Variants in PTCD2 observed in about 807,000 individuals in gnomAD.
PTCD2 encodes pentatricopeptide repeat domain 2.
PTCD2 carries 31 observed loss-of-function variants against 42.6 expected under a neutral mutation model. That is an observed-to-expected ratio of 0.73 (90% CI 0.55 to 0.98). PTCD2 has a LOEUF of 0.98. Ranked by LOEUF, PTCD2 falls within the 50% of genes least tolerant of loss-of-function variation. The pLI is 0.00. For synonymous variants in PTCD2, 183 were observed against 170.9 expected (o/e 1.07, Z -0.55); for missense variants, 476 against 454.8 (o/e 1.05, Z -0.42).
At chr5:72,337,026 G>A (rs1751789605) in intron 6 of PTCD2, among the ~76,000 whole-genome samples, 1 of 152,030 alleles carries the variant, frequency 6.6e-6, no homozygotes, top group Non-Finnish European at 1.5e-5. Context: ...AAAACCAAGT[G>A]GAAATTGAGA....
chr5:72,327,156 T>A (rs1751186680), intron 3 of PTCD2, among the ~76,000 whole-genome samples: 1 of 152,238 alleles, frequency 6.6e-6, no homozygotes, highest in Admixed American at 6.5e-5. Flanking sequence ...AGAAATCCTC[T>A]TGGTTCTACT....
rs565318397 is a variant in PTCD2, at chr5:72,326,546, T to C, written c.221-66T>C. On this transcript the variant is annotated intron_variant, in intron 2 of 9. Coordinates refer to ENST00000380639, the MANE Select transcript of PTCD2 (RefSeq NM_024754.5). Reference sequence around the variant, plus strand: ...CCGGGGTTGGGCTTCCCCATCTTCCTGAGGTCAGACTCCTTATACTCTCAG... The same window carrying C: ...CCGGGGTTGGGCTTCCCCATCTTCCCGAGGTCAGACTCCTTATACTCTCAG... The C allele has an allele frequency of 1.4e-5, 22 of 1,578,334 alleles. No individual in the cohort carries two copies. In the East Asian group the frequency reaches 4.5e-4, roughly 32 times the overall value.
intron 3 of PTCD2, among the ~76,000 whole-genome samples, chr5:72,329,936 C>CTT (rs71614471): frequency 4.5e-4 from 64 of 143,320 alleles, no homozygotes; most frequent in East Asian, 6.0e-4. Context: ...TTTATAACTT[C>CTT]TTTTTTTTTT....
chr5:72,331,518 TAA>T, intron 4 of PTCD2, 143 bp downstream of exon 4: 4 of 686,456 alleles, frequency 5.8e-6, no homozygotes, highest in Non-Finnish European at 1.1e-5. Flanking sequence ...TCTGCATTTT[TAA>T]GTTTCCTTGC....
intron 4 of PTCD2, among the ~76,000 whole-genome samples, chr5:72,333,886 C>T (rs1169448325): frequency 6.6e-6 from 1 of 152,086 alleles, no homozygotes; most frequent in Admixed American, 6.5e-5. Flanking sequence ...CAGGGTCTTG[C>T]TCCGTCACCT....
chr5:72,334,128 A>G (rs1751595656), intron 4 of PTCD2, among the ~76,000 whole-genome samples: 1 of 152,098 alleles, frequency 6.6e-6, no homozygotes. Context: ...TCCCTCCCAA[A>G]GTACTGGGAT....
rs1753085874 is a variant in PTCD2, at chr5:72,361,090, G to A, written c.*2663G>A. 1 of 152,110 alleles carries A rather than the reference G, an allele frequency of 6.6e-6. No homozygotes were observed. Among genetic ancestry groups the A allele is most frequent in the Non-Finnish European group, 1.5e-5 (1 of 68,008 alleles). The allele number at this position is 152,110 out of a possible 1,614,324, so 9.4% of individuals were successfully genotyped here. A position where few individuals can be genotyped will look rare whatever the true frequency, so the allele number is the denominator to read the frequency against. On this transcript the variant is annotated 3_prime_UTR_variant, in exon 10 of 10. Transcript: ENST00000380639. ...TTTTTACTTACTGTAGATATCTGTT[G>A]CTCCAGAGTCCCAGAAATCAGTATG... is the stretch of plus-strand genomic sequence containing the variant.
At position 72,342,399 on chromosome 5, in the gene PTCD2, A is replaced by T. The variant is rs73761764; in HGVS notation, c.754-563A>T. The stretch of plus-strand genomic sequence containing the variant: ...CTAGCCTCATCTCTGCCACCACAGG[A>T]TCCACGGAAGTTCTCTTTACTAGTC... On this transcript the variant is annotated intron_variant, in intron 7 of 9. Coordinates refer to ENST00000380639, the MANE Select transcript of PTCD2 (RefSeq NM_024754.5). 9.1e-3 allele frequency among the ~76,000 whole-genome samples: 1,383 copies of T among 152,310 alleles called. 35 individuals are homozygous for T. The highest frequency in any genetic ancestry group is 0.032 in the African/African-American group (1,327 of 41,570).
chr5:72,358,106 C>T, intron 9 of PTCD2, 97 bp from the exon 10 acceptor site: 2 of 1,123,800 alleles, frequency 1.8e-6, no homozygotes, highest in Non-Finnish European at 2.6e-6. Flanking sequence ...GCCTACCATA[C>T]ATTTTTGTTC....
chr5:72,357,292 A>G (rs144832715), intron 9 of PTCD2, among the ~76,000 whole-genome samples: 3 of 152,342 alleles, frequency 2.0e-5, no homozygotes, highest in Non-Finnish European at 2.9e-5. Context: ...TTGAGAAGAT[A>G]GCTTTGACAC....
At chr5:72,331,009 C>T (rs530711153) in intron 3 of PTCD2, among the ~76,000 whole-genome samples, 45 of 152,282 alleles carry the variant, frequency 3.0e-4, no homozygotes, top group Admixed American at 1.7e-3. Context: ...TTACAACATA[C>T]GTTTTTCCTC....
intron 5 of PTCD2, 66 bp from the exon 6 acceptor site, chr5:72,335,728 A>T: frequency 2.0e-6 from 2 of 1,005,276 alleles, no homozygotes; most frequent in Non-Finnish European, 3.2e-6. Context: ...TGCTGAACAG[A>T]TGAGAGCTTT....
chr5:72,339,690 C>T (rs1751951638), intron 7 of PTCD2, among the ~76,000 whole-genome samples: 2 of 138,200 alleles, frequency 1.4e-5, no homozygotes, highest in South Asian at 4.3e-4. Context: ...GTTTTTCTTT[C>T]TTTGTATAGC....
chr5:72,359,127 A>G lies in PTCD2; in HGVS notation c.*700A>G, dbSNP rs1034773367. On this transcript the variant is annotated 3_prime_UTR_variant, in exon 10 of 10. Coordinates refer to ENST00000380639, the MANE Select transcript of PTCD2 (RefSeq NM_024754.5). ...CTGAGTAAGCCAAATTTAAATGACT[A>G]CTGCTTTGTTCATGGGTAAGCCATG... The G allele has an allele frequency of 3.9e-5, 6 of 152,378 alleles. No homozygotes were observed. The highest frequency in any genetic ancestry group is 1.4e-4 in the African/African-American group (6 of 41,454). The allele number at this position is 152,378 out of a possible 1,614,324, so 9.4% of individuals were successfully genotyped here. A position where few individuals can be genotyped will look rare whatever the true frequency, so the allele number is the denominator to read the frequency against.
Position 72,359,451 on chromosome 5 carries a change from GC to G in PTCD2, c.*1025del, listed in dbSNP as rs1232179854. 1 of 152,184 alleles carries G rather than the reference GC, an allele frequency of 6.6e-6. No homozygotes were observed. Among genetic ancestry groups the G allele is most frequent in the Admixed American group, 6.5e-5 (1 of 15,274 alleles). 9.4% of individuals were successfully genotyped at this position (152,184 alleles called of 1,614,324 possible). ...CCAGAGGGTTGCTCAGACCTCAGGA[GC>G]TGTCTGCCAAGATTGCTGCAGACTC... On this transcript the variant is annotated 3_prime_UTR_variant, in exon 10 of 10. Transcript: ENST00000380639.
At chr5:72,353,721 A>T (rs2112227725) in intron 9 of PTCD2, among the ~76,000 whole-genome samples, 1 of 152,334 alleles carries the variant, frequency 6.6e-6, no homozygotes. Context: ...ATTTAGTGTA[A>T]CATAGAGACA....
Position 72,368,315 on chromosome 5 carries a change from A to C in PTCD2, c.*9888A>C, listed in dbSNP as rs1753248267. 1 of 152,194 alleles carries C rather than the reference A, an allele frequency of 6.6e-6. No homozygotes were observed. The highest frequency in any genetic ancestry group is 2.4e-5 in the African/African-American group (1 of 41,446). The allele number at this position is 152,194 out of a possible 1,614,324, so 9.4% of individuals were successfully genotyped here. ...AGGTCCCCCTGTCTTTGAGTAGAAG[A>C]GTTGGCAAGCAAGCTGGACTAAATG... On this transcript the variant is annotated 3_prime_UTR_variant, in exon 10 of 10. Coordinates refer to ENST00000380639, the MANE Select transcript of PTCD2 (RefSeq NM_024754.5).
intron 8 of PTCD2, among the ~76,000 whole-genome samples, chr5:72,349,820 G>T (rs1268168284): frequency 2.6e-5 from 4 of 152,114 alleles, no homozygotes; most frequent in Admixed American, 6.5e-5. Context: ...CTTTCTCTTT[G>T]CCTTTTATCG....
chr5:72,339,771 C>T (rs541055630), intron 7 of PTCD2, among the ~76,000 whole-genome samples: 24 of 150,702 alleles, frequency 1.6e-4, no homozygotes, highest in African/African-American at 5.9e-4. Flanking sequence ...ACTGTTACAT[C>T]GTCATTGTGA....
Sources: gnomAD v4.1 joint callset for allele counts (sites outside exome capture counted in the v4.1 genomes callset) on GRCh38, gnomAD v4.1.1 for gene constraint, MANE v1.5 for transcripts, NCBI Gene and HGNC (gene_info 2026-07-23, HGNC 2026-07-21) for gene names.